ANO1: variants seen among roughly 807,000 people sequenced by gnomAD.
The protein encoded by ANO1 is anoctamin-1.
ANO1 carries 59 observed loss-of-function variants against 124.0 expected under a neutral mutation model. That is an observed-to-expected ratio of 0.48 (90% CI 0.39 to 0.59). The LOEUF (loss-of-function observed/expected upper bound fraction) is 0.59. Among genes scored for constraint, ANO1 ranks in the 20% least tolerant of loss-of-function variants. The probability of loss-of-function intolerance (pLI) is 0.00; values close to 1 mark genes in which losing one functional copy is unlikely to be tolerated. For synonymous variants in ANO1, 529 were observed against 532.0 expected (o/e 0.99, Z 0.08); for missense variants, 1,059 against 1,328.0 (o/e 0.80, Z 3.15).
At chr11:70,107,310 G>T (rs190422446) in intron 5 of ANO1, among the ~76,000 whole-genome samples, 73 of 152,288 alleles carry the variant, frequency 4.8e-4, no homozygotes, top group African/African-American at 1.7e-3. Flanking sequence ...CACCGGGAGG[G>T]TGGTGGCCTC....
At chr11:70,060,116 G>A (rs1555007535) in intron 1 of ANO1, among the ~76,000 whole-genome samples, 4 of 152,126 alleles carry the variant, frequency 2.6e-5, no homozygotes, top group Non-Finnish European at 5.9e-5. Flanking sequence ...GACAATGAAA[G>A]AGCCTTGTGT....
chr11:70,042,311 A>G (rs1857195236), intron 1 of ANO1, among the ~76,000 whole-genome samples: 1 of 152,158 alleles, frequency 6.6e-6, no homozygotes, highest in Non-Finnish European at 1.5e-5. Context: ...AAATTGTCCA[A>G]TCTTCCTTCC....
At chr11:70,155,805 G>A in intron 14 of ANO1, 106 bp from the exon 15 acceptor site, 1 of 1,071,590 alleles carries the variant, frequency 9.3e-7, no homozygotes, top group Non-Finnish European at 1.3e-6. Context: ...CGCACCAGGA[G>A]GGGCCAGCCT....
At chr11:70,151,036 C>T (rs1431456057) in intron 12 of ANO1, among the ~76,000 whole-genome samples, 2 of 152,214 alleles carry the variant, frequency 1.3e-5, no homozygotes, top group African/African-American at 4.8e-5. Context: ...TAAGACGGGC[C>T]TCTGGGGCCA....
chr11:70,108,519 T>G, intron 6 of ANO1, 115 bp downstream of exon 6: 1 of 1,194,034 alleles, frequency 8.4e-7, no homozygotes, highest in East Asian at 2.4e-5. Context: ...AGGGTTTTGA[T>G]TTAAGCCTGT....
intron 10 of ANO1, 54 bp downstream of exon 10, chr11:70,126,249 G>T: frequency 6.4e-7 from 1 of 1,567,348 alleles, no homozygotes; most frequent in Non-Finnish European, 8.7e-7. Flanking sequence ...GCCCTCTCCT[G>T]CCATCCCAGC....
intron 10 of ANO1, among the ~76,000 whole-genome samples, chr11:70,127,620 C>T (rs933418345): frequency 4.6e-5 from 7 of 152,018 alleles, no homozygotes; most frequent in Admixed American, 2.0e-4. Flanking sequence ...CCCTTGAGCC[C>T]GGGAGGTCGA....
chr11:70,123,800 C>G (rs1590798090), intron 8 of ANO1, among the ~76,000 whole-genome samples: 1 of 152,180 alleles, frequency 6.6e-6, no homozygotes, highest in East Asian at 1.9e-4. Flanking sequence ...GCAGTCCTAA[C>G]CCAGCATCTT....
chr11:70,177,594 C>CTTTTTTTTTTTT (rs57647858), intron 22 of ANO1, among the ~76,000 whole-genome samples: 967 of 78,920 alleles, frequency 0.012, 6 homozygotes, highest in East Asian at 0.016. Context: ...TTTTTTTTTT[C>CTTTTTTTTTTTT]TTTTTTTTTT....
In ANO1 at chr11:70,093,107, GTC is replaced by G. The variant is rs544554536; in HGVS notation, c.441+5029_441+5030del. On this transcript the variant is annotated intron_variant, in intron 2 of 25. Coordinates refer to ENST00000355303, the MANE Select transcript of ANO1 (RefSeq NM_018043.7). ...CACTTCTCTCTGTCTCTCTCCCTCT[GTC>G]TCTCTGTCCTTTCTCTTTTCCTCTC... is the stretch of plus-strand genomic sequence containing the variant. 2.5e-3 allele frequency among the ~76,000 whole-genome samples: 205 copies of G among 80,446 alleles called. 3 individuals carry two copies. The highest frequency in any genetic ancestry group is 8.4e-3 in the African/African-American group (157 of 18,712). The allele number at this position is 80,446 out of a possible 152,430, so 52.8% of individuals were successfully genotyped here.
intron 8 of ANO1, among the ~76,000 whole-genome samples, chr11:70,119,932 A>G (rs923284997): frequency 6.6e-6 from 1 of 151,960 alleles, no homozygotes; most frequent in African/African-American, 2.4e-5. Context: ...AAAGGAGGGA[A>G]GGAGGGAGGA....
intron 10 of ANO1, among the ~76,000 whole-genome samples, chr11:70,128,846 C>T (rs936982078): frequency 3.9e-5 from 6 of 152,204 alleles, no homozygotes; most frequent in Admixed American, 2.6e-4. Flanking sequence ...GGTGTTTGTG[C>T]GAGAAGCTGA....
At chr11:70,116,569 T>C (rs1590776000) in intron 8 of ANO1, 70 bp downstream of exon 8, 2 of 1,501,832 alleles carry the variant, frequency 1.3e-6, no homozygotes, top group Non-Finnish European at 1.8e-6. Context: ...GGGGTGGGCC[T>C]GCAGCTGGAC....
chr11:70,100,096 G>T (rs950345927), intron 2 of ANO1, among the ~76,000 whole-genome samples: 1 of 152,140 alleles, frequency 6.6e-6, no homozygotes, highest in South Asian at 2.1e-4. Flanking sequence ...CGTGCCTGGG[G>T]CAGCCTAGTC....
intron 1 of ANO1, among the ~76,000 whole-genome samples, chr11:70,044,253 CA>C (rs1285867434): frequency 3.3e-5 from 5 of 151,842 alleles, no homozygotes; most frequent in Non-Finnish European, 7.4e-5. Flanking sequence ...CCATTTAATA[CA>C]AAAAAAGCAC....
At chr11:70,030,727 A>T (rs533870852) in intron 1 of ANO1, among the ~76,000 whole-genome samples, 5 of 152,114 alleles carry the variant, frequency 3.3e-5, no homozygotes, top group Admixed American at 2.0e-4. Flanking sequence ...CATCATATCT[A>T]TTAATACAAA....
chr11:70,078,737 C>T, intron 1 of ANO1, 23 bp downstream of exon 1: 1 of 1,425,996 alleles, frequency 7.0e-7, no homozygotes, highest in Non-Finnish European at 9.3e-7. Flanking sequence ...GGCCGCGACC[C>T]GGGCGGGAGG....
rs761348613 is a variant in ANO1 at position 70,149,696 on chromosome 11, G to T, written c.1259-14G>T. ...TTATGTCATCAGAGACTCTGGTTTT[G>T]CCCCTGCCCGCAGCTGCCACCTTCA... On this transcript the variant is annotated splice_polypyrimidine_tract_variant and intron_variant, in intron 11 of 25. Transcript: ENST00000355303. 3.0e-5 allele frequency: 49 copies of T among 1,610,322 alleles called. No individual in the cohort carries two copies. Among genetic ancestry groups the T allele is most frequent in the Non-Finnish European group, 3.9e-5 (46 of 1,178,534 alleles).
At chr11:70,051,078 A>G (rs1340542145) in intron 1 of ANO1, among the ~76,000 whole-genome samples, 1 of 152,200 alleles carries the variant, frequency 6.6e-6, no homozygotes, top group Non-Finnish European at 1.5e-5. Context: ...TTACAGTTTG[A>G]TGAATTTTTA....
Sources: gnomAD v4.1 joint callset for allele counts (sites outside exome capture counted in the v4.1 genomes callset) on GRCh38, gnomAD v4.1.1 for gene constraint, MANE v1.5 for transcripts, NCBI Gene and HGNC (gene_info 2026-07-23, HGNC 2026-07-21) for gene names.